SCN9A: variants seen among roughly 807,000 people sequenced by gnomAD.
SCN9A encodes the protein sodium channel protein type 9 subunit alpha.
In SCN9A, 131 loss-of-function variants were observed where a neutral mutation model predicts 187.0. The ratio of observed to expected loss-of-function variants is 0.70; its 90% CI spans 0.61 to 0.81. The LOEUF is 0.81. SCN9A is among the 30% of genes least tolerant of loss of function. SCN9A has a pLI of 0.00. For missense variants in SCN9A, 2,252 were observed against 2,396.6 expected, an observed-to-expected ratio of 0.94 and a Z score of 1.26; for synonymous variants, 809 against 808.6, an observed-to-expected ratio of 1.00 and a Z score of -0.01.
At position 166,286,383 on chromosome 2, in the gene SCN9A, C is replaced by T. The variant is rs187453572; in HGVS notation, c.1555G>A (p.Glu519Lys). 9.5e-4 allele frequency: 1,539 copies of T among 1,613,682 alleles called. 1 individual carries two copies. The highest frequency in any genetic ancestry group is 1.2e-3 in the Non-Finnish European group (1,446 of 1,179,810). The change falls in exon 11 of 27, where the codon GAA becomes AAA. Residue 519 changes from glutamate (E) to lysine (K), a missense_variant. By Grantham distance (56) the Glu-to-Lys change is moderately conservative (BLOSUM62 1). This residue lies in a region of SCN9A where 1,013 missense variants were observed against 997.4 expected (regional missense o/e 1.02). Coordinates refer to ENST00000642356, the MANE Select transcript of SCN9A (RefSeq NM_001365536.1). ...TTTTCATGTGCTCGCCTATGCCCTTCGACACCAAGGTGGAAACTTTTTCTT... is the reference window on the plus strand; with the variant it reads ...TTTTCATGTGCTCGCCTATGCCCTTTGACACCAAGGTGGAAACTTTTTCTT... Reference protein sequence around the residue: ...IRRKSFHLGVEGHRRAHEKRL... With the variant: ...IRRKSFHLGVKGHRRAHEKRL...
At chr2:166,314,442 G>A (rs1409186129) in intron 1 of SCN9A, among the ~76,000 whole-genome samples, 3 of 152,070 alleles carry the variant, frequency 2.0e-5, no homozygotes, top group African/African-American at 4.8e-5. Context: ...GTTATGACTC[G>A]GCAATTCCAC....
chr2:166,246,558 A>C (rs1695798240), intron 18 of SCN9A, among the ~76,000 whole-genome samples: 1 of 152,062 alleles, frequency 6.6e-6, no homozygotes, highest in Non-Finnish European at 1.5e-5. Flanking sequence ...TACCAGAGAG[A>C]GCGAAAAAAA....
intron 3 of SCN9A, 66 bp downstream of exon 3, chr2:166,306,890 T>C (rs187775085): frequency 2.4e-5 from 21 of 886,538 alleles, no homozygotes; most frequent in East Asian, 2.3e-4. Context: ...AACATCTATA[T>C]TTGAATAAAA....
chr2:166,278,518 C>A (rs1697338910), intron 14 of SCN9A, among the ~76,000 whole-genome samples: 1 of 152,122 alleles, frequency 6.6e-6, no homozygotes, highest in Non-Finnish European at 1.5e-5. Context: ...GGTTGAAAAG[C>A]TCTAACTGTC....
intron 11 of SCN9A, 51 bp from the exon 12 acceptor site, chr2:166,284,875 G>A (rs1697668852): frequency 1.1e-5 from 16 of 1,506,972 alleles, no homozygotes; most frequent in East Asian, 2.4e-5. Context: ...ACTGATAGAA[G>A]TACACTTCAT....
intron 1 of SCN9A, among the ~76,000 whole-genome samples, chr2:166,322,989 G>T (rs1699280783): frequency 2.0e-5 from 3 of 152,088 alleles, no homozygotes; most frequent in Admixed American, 1.3e-4. Flanking sequence ...TTGCTCAAAG[G>T]ATTGGGTCAC....
intron 1 of SCN9A, among the ~76,000 whole-genome samples, chr2:166,319,349 C>A (rs1339968862): frequency 1.1e-3 from 147 of 134,650 alleles, no homozygotes; most frequent in Middle Eastern, 4.1e-3. Context: ...TAAGGTAGAG[C>A]AAAAAAAAAA....
At chr2:166,358,878 C>G (rs1041677747) in intron 1 of SCN9A, among the ~76,000 whole-genome samples, 1 of 152,120 alleles carries the variant, frequency 6.6e-6, no homozygotes, top group Non-Finnish European at 1.5e-5. Flanking sequence ...TTTCTTCTAG[C>G]AGTTTTGTGG....
chr2:166,341,684 T>C (rs1029960219), intron 1 of SCN9A, among the ~76,000 whole-genome samples: 1 of 152,194 alleles, frequency 6.6e-6, no homozygotes, highest in Non-Finnish European at 1.5e-5. Context: ...AAAGATCCAA[T>C]TACAAAGTCT....
intron 18 of SCN9A, among the ~76,000 whole-genome samples, chr2:166,245,840 A>G (rs1410650373): frequency 6.6e-6 from 1 of 152,062 alleles, no homozygotes; most frequent in Non-Finnish European, 1.5e-5. Context: ...TCAGATAATC[A>G]TAAGTTGTAT....
At chr2:166,351,376 TG>T (rs1265251500) in intron 1 of SCN9A, among the ~76,000 whole-genome samples, 1 of 152,174 alleles carries the variant, frequency 6.6e-6, no homozygotes, top group Non-Finnish European at 1.5e-5. Flanking sequence ...GGATGATATG[TG>T]TCAAAGGTGA....
chr2:166,372,364 G>A (rs1415239273), intron 1 of SCN9A, among the ~76,000 whole-genome samples: 1 of 152,092 alleles, frequency 6.6e-6, no homozygotes, highest in Non-Finnish European at 1.5e-5. Context: ...TCTATCAACT[G>A]AGCTCACATA....
chr2:166,246,206 T>C (rs1695781778), intron 18 of SCN9A, among the ~76,000 whole-genome samples: 1 of 151,954 alleles, frequency 6.6e-6, no homozygotes. Flanking sequence ...TTATAGTTGA[T>C]TTTTAAAAGA....
At chr2:166,281,352 T>C (rs1217154510) in intron 13 of SCN9A, among the ~76,000 whole-genome samples, 1 of 152,196 alleles carries the variant, frequency 6.6e-6, no homozygotes, top group Admixed American at 6.6e-5. Flanking sequence ...TGGGTTAACC[T>C]TGTTTTCTGC....
At chr2:166,316,566 G>T (rs1414608245) in intron 1 of SCN9A, among the ~76,000 whole-genome samples, 1 of 152,162 alleles carries the variant, frequency 6.6e-6, no homozygotes, top group African/African-American at 2.4e-5. Flanking sequence ...ATGTTGGCAG[G>T]CGCCTATAGT....
chr2:166,244,058 G>T (rs758245454), intron 18 of SCN9A, among the ~76,000 whole-genome samples: 2 of 152,040 alleles, frequency 1.3e-5, no homozygotes, highest in Non-Finnish European at 2.9e-5. Context: ...AGGACTACCA[G>T]GTGGATGTTA....
intron 24 of SCN9A, among the ~76,000 whole-genome samples, chr2:166,220,801 T>A (rs1296329229): frequency 6.6e-6 from 1 of 152,042 alleles, no homozygotes; most frequent in African/African-American, 2.4e-5. Context: ...AACACAGCAC[T>A]AGAAGTCCTA....
intron 2 of SCN9A, among the ~76,000 whole-genome samples, chr2:166,308,600 C>T (rs909366930): frequency 3.3e-5 from 5 of 152,190 alleles, no homozygotes; most frequent in African/African-American, 9.6e-5. Flanking sequence ...ATTACCCAGT[C>T]TCAGGTAGTT....
At chr2:166,370,675 CA>C (rs1700540513) in intron 1 of SCN9A, among the ~76,000 whole-genome samples, 1 of 151,450 alleles carries the variant, frequency 6.6e-6, no homozygotes, top group African/African-American at 2.4e-5. Flanking sequence ...TATTTTAATG[CA>C]TGCTTCTAAT....
Sources: allele counts gnomAD v4.1 joint callset (sites outside exome capture counted in the v4.1 genomes callset), GRCh38; gene constraint gnomAD v4.1.1; regional missense constraint gnomAD v4.1.1; transcripts MANE v1.5; gene names NCBI Gene and HGNC (gene_info 2026-07-23, HGNC 2026-07-21).